The following LARP1B variants were observed in gnomAD, a reference collection of about 807,000 sequenced individuals.
LARP1B encodes La ribonucleoprotein 1B.
Under a neutral mutation model 114.2 loss-of-function variants are expected in LARP1B, and 76 were observed. That is an observed-to-expected ratio of 0.67 (90% CI 0.55 to 0.81). LARP1B has a LOEUF of 0.81. Ranked by LOEUF, LARP1B falls within the 30% of genes least tolerant of loss-of-function variation. The probability of loss-of-function intolerance (pLI) is 0.00; values close to 1 mark genes in which losing one functional copy is unlikely to be tolerated. For missense variants in LARP1B, 1,014 were observed against 1,075.8 expected, an observed-to-expected ratio of 0.94 and a Z score of 0.80; for synonymous variants, 345 against 348.0, an observed-to-expected ratio of 0.99 and a Z score of 0.10.
chr4:128,135,147 A>AAAG (rs1792935589), intron 11 of LARP1B, among the ~76,000 whole-genome samples: 2 of 151,164 alleles, frequency 1.3e-5, no homozygotes, highest in South Asian at 4.2e-4. Context: ...ATAAATAAAA[A>AAAG]GGATAACAAA....
intron 5 of LARP1B, among the ~76,000 whole-genome samples, chr4:128,088,255 T>A (rs758506509): frequency 6.6e-6 from 1 of 152,284 alleles, no homozygotes; most frequent in Non-Finnish European, 1.5e-5. Flanking sequence ...AAGAAATGTA[T>A]GTTACTATTA....
intron 7 of LARP1B, among the ~76,000 whole-genome samples, chr4:128,094,613 C>T (rs1202976974): frequency 1.3e-5 from 2 of 151,514 alleles, no homozygotes; most frequent in Non-Finnish European, 2.9e-5. Context: ...TGCCATGTTG[C>T]CCCATCTGGT....
At chr4:128,107,807 A>T in intron 9 of LARP1B, 5 of 1,531,752 alleles carry the variant, frequency 3.3e-6, no homozygotes, top group Non-Finnish European at 4.4e-6. Context: ...AAAAGATTTA[A>T]TGTTAATAAT....
At chr4:128,172,974 T>A (rs1036357616) in intron 12 of LARP1B, among the ~76,000 whole-genome samples, 1 of 151,374 alleles carries the variant, frequency 6.6e-6, no homozygotes, top group Non-Finnish European at 1.5e-5. Flanking sequence ...TGTGTGTGTA[T>A]GTGTATGTTT....
intron 1 of LARP1B, among the ~76,000 whole-genome samples, chr4:128,068,684 A>G (rs773141075): frequency 4.6e-5 from 7 of 152,036 alleles, no homozygotes; most frequent in Non-Finnish European, 7.4e-5. Context: ...AAGTGCTGCT[A>G]TTACAGGTGT....
intron 15 of LARP1B, among the ~76,000 whole-genome samples, chr4:128,191,009 T>C (rs1489132754): frequency 6.6e-6 from 1 of 152,222 alleles, no homozygotes; most frequent in African/African-American, 2.4e-5. Flanking sequence ...TTTTCTCCTC[T>C]GACTGTATTT....
At chr4:128,191,685 TAAAG>T (rs989519086) in intron 15 of LARP1B, among the ~76,000 whole-genome samples, 1 of 152,162 alleles carries the variant, frequency 6.6e-6, no homozygotes, top group African/African-American at 2.4e-5. Context: ...TTGGCTGAAA[TAAAG>T]AGGAGAATTT....
rs377228613 is a variant in LARP1B at position 128,077,909 on chromosome 4, C to G, written c.164C>G (p.Pro55Arg). 2 of 1,613,268 alleles carry G rather than the reference C, an allele frequency of 1.2e-6. No individual in the cohort carries two copies. The highest frequency in any genetic ancestry group is 1.7e-5 in the Admixed American group (1 of 59,906). ...KENRETKLNG[P>R]GENVSEDEAQ... ...AACCGGGAAACAAAATTAAATGGTCCTGGTGAAAACGTCAGTGAGGATGAG... is the reference window on the plus strand; with the variant it reads ...AACCGGGAAACAAAATTAAATGGTCGTGGTGAAAACGTCAGTGAGGATGAG... Residue 55 changes from proline to arginine, a missense_variant, in exon 4 of 20, where the codon CCT becomes CGT. Pro to Arg is a moderately radical substitution (Grantham distance 103). Transcript: ENST00000326639.
chr4:128,122,667 T>TC, intron 11 of LARP1B: 1 of 1,366,336 alleles, frequency 7.3e-7, no homozygotes. Context: ...TGATCTAAGG[T>TC]AGTGGAAATG....
intron 1 of LARP1B, among the ~76,000 whole-genome samples, chr4:128,066,290 C>A (rs1278819793): frequency 4.0e-5 from 6 of 149,410 alleles, no homozygotes; most frequent in African/African-American, 1.5e-4. Flanking sequence ...TGTTCTCCTG[C>A]CTCAACCTCC....
At chr4:128,141,539 C>A (rs1023605058) in intron 11 of LARP1B, among the ~76,000 whole-genome samples, 3 of 152,190 alleles carry the variant, frequency 2.0e-5, no homozygotes, top group Non-Finnish European at 4.4e-5. Context: ...TTAATCTCAT[C>A]GTTAGGCTCA....
intron 11 of LARP1B, among the ~76,000 whole-genome samples, chr4:128,135,284 A>G (rs1003890206): frequency 6.6e-6 from 1 of 152,186 alleles, no homozygotes; most frequent in Non-Finnish European, 1.5e-5. Flanking sequence ...AGTTGTTAAC[A>G]AGGATTTGGA....
chr4:128,138,420 A>G (rs891615547), intron 11 of LARP1B, among the ~76,000 whole-genome samples: 1 of 152,220 alleles, frequency 6.6e-6, no homozygotes, highest in Non-Finnish European at 1.5e-5. Flanking sequence ...AAAAATCTTC[A>G]AACTCTATAA....
At chr4:128,144,548 T>A (rs980912481) in intron 11 of LARP1B, among the ~76,000 whole-genome samples, 1 of 152,098 alleles carries the variant, frequency 6.6e-6, no homozygotes, top group Non-Finnish European at 1.5e-5. Flanking sequence ...TTACCCAGAC[T>A]TTTTGTGAAA....
intron 11 of LARP1B, chr4:128,123,700 A>G: frequency 1.1e-6 from 1 of 951,958 alleles, no homozygotes; most frequent in Non-Finnish European, 1.3e-6. Context: ...AGTAAACATT[A>G]TGCATTAACC....
At chr4:128,213,231 A>G (rs540448118), downstream of LARP1B, among the ~76,000 whole-genome samples, 88 of 152,266 alleles carry the variant, frequency 5.8e-4, no homozygotes, top group South Asian at 0.015. Flanking sequence ...CTCATTATTA[A>G]TGTCACCATT....
At chr4:128,082,136 T>A (rs781650046) in intron 4 of LARP1B, 29 bp from the exon 5 acceptor site, 1 of 1,601,370 alleles carries the variant, frequency 6.2e-7, no homozygotes, top group South Asian at 1.1e-5. Context: ...ATTGTACATT[T>A]GTCCTTAAAT....
intron 11 of LARP1B, chr4:128,156,045 G>A: frequency 6.3e-7 from 1 of 1,583,790 alleles, no homozygotes; most frequent in East Asian, 2.2e-5. Flanking sequence ...ACACCCCCAA[G>A]CTCATGACCA....
intron 15 of LARP1B, among the ~76,000 whole-genome samples, chr4:128,185,159 A>G (rs1179609552): frequency 6.6e-6 from 1 of 152,108 alleles, no homozygotes; most frequent in Non-Finnish European, 1.5e-5. Context: ...TGTCTCTTTG[A>G]TATACTGATT....
Sources: gnomAD v4.1 joint callset for allele counts (sites outside exome capture counted in the v4.1 genomes callset) on GRCh38, gnomAD v4.1.1 for gene constraint, MANE v1.5 for transcripts, NCBI Gene and HGNC (gene_info 2026-07-23, HGNC 2026-07-21) for gene names.